MICAL2: variants seen among roughly 807,000 people sequenced by gnomAD.
MICAL2 encodes microtubule associated monooxygenase, calponin and LIM domain containing 2, also known as [F-actin]-monooxygenase MICAL2.
In MICAL2, 77 loss-of-function variants were observed where a neutral mutation model predicts 127.3. That is an observed-to-expected ratio of 0.60 (90% CI 0.50 to 0.73). The LOEUF (loss-of-function observed/expected upper bound fraction) is 0.73. Ranked by LOEUF, MICAL2 falls within the 30% of genes least tolerant of loss-of-function variation. The pLI, the probability that MICAL2 is intolerant of heterozygous loss-of-function variation, is 0.00. For missense variants in MICAL2, 1,351 were observed against 1,434.4 expected, an observed-to-expected ratio of 0.94 and a Z score of 0.94; for synonymous variants, 570 against 551.1, an observed-to-expected ratio of 1.03 and a Z score of -0.48.
intron 15 of MICAL2, among the ~76,000 whole-genome samples, chr11:12,229,859 C>T (rs892926625): frequency 1.3e-5 from 2 of 152,230 alleles, no homozygotes; most frequent in African/African-American, 4.8e-5. Context: ...CTTGGCTGCC[C>T]ATTTTGAGAG....
intron 3 of MICAL2, among the ~76,000 whole-genome samples, chr11:12,202,234 T>C (rs1308225898): frequency 6.6e-6 from 1 of 152,208 alleles, no homozygotes; most frequent in Non-Finnish European, 1.5e-5. Flanking sequence ...TGAGCTTCTT[T>C]CTCTTTCTCT....
At chr11:12,133,629 A>C (rs76713915) in intron 1 of MICAL2, among the ~76,000 whole-genome samples, 13,902 of 152,148 alleles carry the variant, frequency 0.091, 1,363 homozygotes, top group African/African-American at 0.24. Context: ...AGAAAAAAAA[A>C]AAAAGTAAAA....
chr11:12,162,065 C>G lies in MICAL2; in HGVS notation c.-77-14C>G, dbSNP rs1854875272. 1 of 1,567,664 alleles carries G rather than the reference C, an allele frequency of 6.4e-7. No homozygotes were observed. The highest frequency in any genetic ancestry group is 8.7e-7 in the Non-Finnish European group (1 of 1,152,400). ...TCGTCCAAAGCTGACCTCTGCCTCC[C>G]CCTACTTTCACAGGTGTGACGTTTC... is the stretch of plus-strand genomic sequence containing the variant. On this transcript the variant is annotated splice_polypyrimidine_tract_variant and intron_variant, in intron 2 of 27. Coordinates refer to ENST00000683283, the MANE Select transcript of MICAL2 (RefSeq NM_001282663.2).
intron 32 of MICAL2, among the ~76,000 whole-genome samples, chr11:12,336,416 C>T (rs1446086010): frequency 6.6e-6 from 1 of 152,168 alleles, no homozygotes; most frequent in African/African-American, 2.4e-5. Flanking sequence ...AATTTGACTT[C>T]CTTTTTTCCT....
chr11:12,191,315 T>A (rs1379114594), intron 3 of MICAL2, among the ~76,000 whole-genome samples: 55 of 144,306 alleles, frequency 3.8e-4, no homozygotes, highest in African/African-American at 1.4e-3. Context: ...AAAAAAAAAA[T>A]AGAAAAATTA....
intron 27 of MICAL2, 62 bp downstream of exon 27, chr11:12,262,599 C>T: frequency 1.5e-6 from 2 of 1,355,226 alleles, no homozygotes; most frequent in Admixed American, 1.7e-5. Flanking sequence ...CTTTCCGCAC[C>T]CCGTCCTCTC....
At chr11:12,279,537 A>G (rs544006593) in intron 1 of MICAL2, among the ~76,000 whole-genome samples, 52 of 152,302 alleles carry the variant, frequency 3.4e-4, no homozygotes, top group Admixed American at 1.2e-3. Flanking sequence ...GCCTGTTTCC[A>G]TAATAACAGG....
chr11:12,340,543 C>T (rs1938846595), intron 32 of MICAL2, among the ~76,000 whole-genome samples: 1 of 152,110 alleles, frequency 6.6e-6, no homozygotes, highest in Admixed American at 6.5e-5. Flanking sequence ...ATATATACTC[C>T]AGAGAAACTC....
chr11:12,208,983 AGTGG>A (rs1855083483), intron 5 of MICAL2, among the ~76,000 whole-genome samples: 1 of 151,934 alleles, frequency 6.6e-6, no homozygotes, highest in Non-Finnish European at 1.5e-5. Context: ...CCAGACCTCT[AGTGG>A]ACATTAAATC....
At chr11:12,236,488 T>C (rs541280693) in intron 16 of MICAL2, among the ~76,000 whole-genome samples, 3 of 152,328 alleles carry the variant, frequency 2.0e-5, no homozygotes, top group African/African-American at 4.8e-5. Flanking sequence ...CGTGCAATGA[T>C]ACACTTGAAA....
chr11:12,251,424 C>T (rs1402837233), intron 22 of MICAL2, among the ~76,000 whole-genome samples: 1 of 151,964 alleles, frequency 6.6e-6, no homozygotes, highest in African/African-American at 2.4e-5. Flanking sequence ...CCCCTCATCC[C>T]AGGAGACAAG....
rs529492847 is a variant in MICAL2 at position 12,281,644 on chromosome 11, A to G, written c.254+545A>G. The stretch of plus-strand genomic sequence containing the variant: ...TTTTACTGCATACCTGTAATGGGCC[A>G]GGACTTTTCCCATACGTGTGGTCAT... On this transcript the variant is annotated intron_variant, in intron 2 of 2. Transcript: ENST00000529028. Among the ~76,000 whole-genome samples, 305 of 152,340 alleles carry G rather than the reference A, an allele frequency of 2.0e-3. 2 individuals are homozygous for G. The highest frequency in any genetic ancestry group is 0.014 in the Middle Eastern group (4 of 294).
chr11:12,255,872 G>A (rs1347909212), intron 23 of MICAL2, 122 bp downstream of exon 23: 6 of 717,924 alleles, frequency 8.4e-6, no homozygotes, highest in South Asian at 3.7e-5. Flanking sequence ...TGGAACAAGA[G>A]GGGGCTGAGA....
chr11:12,263,457 C>A (rs1590708154), intron 27 of MICAL2, 103 bp from the exon 28 acceptor site: 1 of 152,576 alleles, frequency 6.6e-6, no homozygotes, highest in African/African-American at 2.4e-5. Context: ...ACCACCCTGA[C>A]CCCCGGGCCT....
chr11:12,147,215 TA>T (rs58538643), intron 2 of MICAL2, among the ~76,000 whole-genome samples: 2 of 151,466 alleles, frequency 1.3e-5, no homozygotes, highest in Non-Finnish European at 2.9e-5. Context: ...ATAATAATAA[TA>T]AAAAAAAGAA....
intron 3 of MICAL2, among the ~76,000 whole-genome samples, chr11:12,169,375 C>G (rs61133544): frequency 1.7e-5 from 1 of 59,056 alleles, no homozygotes; most frequent in Admixed American, 2.6e-4. Context: ...ATAGCACCAT[C>G]TCTTTTATTT....
intron 1 of MICAL2, among the ~76,000 whole-genome samples, chr11:12,127,999 T>C (rs886770054): frequency 2.6e-5 from 4 of 152,242 alleles, no homozygotes; most frequent in Non-Finnish European, 5.9e-5. Context: ...ACCTGACATA[T>C]AATAAGTGCC....
intron 8 of MICAL2, among the ~76,000 whole-genome samples, 188 bp from the exon 9 acceptor site, chr11:12,220,013 C>G (rs1265818127): frequency 6.6e-6 from 1 of 152,230 alleles, no homozygotes; most frequent in Non-Finnish European, 1.5e-5. Context: ...GATGCTTAAT[C>G]ACAACCGTGT....
chr11:12,120,793 C>T (rs911890803), intron 1 of MICAL2, among the ~76,000 whole-genome samples: 5 of 152,124 alleles, frequency 3.3e-5, no homozygotes, highest in African/African-American at 9.7e-5. Flanking sequence ...GTTCTGGGGG[C>T]GGTGTGGGTG....
Sources: gnomAD v4.1 joint callset for allele counts (sites outside exome capture counted in the v4.1 genomes callset) on GRCh38, gnomAD v4.1.1 for gene constraint, MANE v1.5 for transcripts, NCBI Gene and HGNC (gene_info 2026-07-23, HGNC 2026-07-21) for gene names.